PIK3AP1: variants seen among roughly 807,000 people sequenced by gnomAD.
PIK3AP1 encodes phosphoinositide-3-kinase adaptor protein 1.
In PIK3AP1, 21 loss-of-function variants were observed where a neutral mutation model predicts 88.1. The ratio of observed to expected loss-of-function variants is 0.24; its 90% CI spans 0.17 to 0.34. PIK3AP1 has a LOEUF of 0.34. PIK3AP1 is among the 10% of genes least tolerant of loss of function. The probability of loss-of-function intolerance (pLI) is 1.00; values close to 1 mark genes in which losing one functional copy is unlikely to be tolerated. For missense variants in PIK3AP1, 828 were observed against 1,035.7 expected, an observed-to-expected ratio of 0.80 and a Z score of 2.75; for synonymous variants, 398 against 400.0, an observed-to-expected ratio of 1.00 and a Z score of 0.06.
intron 2 of PIK3AP1, among the ~76,000 whole-genome samples, chr10:96,705,891 T>TGG (rs1339876929): frequency 7.8e-6 from 1 of 128,392 alleles, no homozygotes; most frequent in African/African-American, 3.1e-5. Flanking sequence ...GTTGTTTTTT[T>TGG]TTTTTTTTTT....
intron 8 of PIK3AP1, among the ~76,000 whole-genome samples, chr10:96,644,066 G>A (rs189023738): frequency 2.6e-5 from 4 of 152,288 alleles, no homozygotes; most frequent in African/African-American, 9.6e-5. Context: ...TCCAGTACGT[G>A]CGTGGAGATC....
intron 2 of PIK3AP1, among the ~76,000 whole-genome samples, chr10:96,704,165 C>A (rs752147214): frequency 2.6e-5 from 4 of 152,112 alleles, no homozygotes; most frequent in Non-Finnish European, 4.4e-5. Context: ...AGGAAGAGAA[C>A]GCAGGAGCTC....
chr10:96,628,292 A>G, intron 9 of PIK3AP1, 106 bp downstream of exon 9: 2 of 950,006 alleles, frequency 2.1e-6, no homozygotes, highest in South Asian at 2.7e-5. Flanking sequence ...CCATGTATGC[A>G]GCAGCCCATT....
intron 2 of PIK3AP1, among the ~76,000 whole-genome samples, chr10:96,666,309 C>T (rs1005810384): frequency 6.6e-6 from 1 of 152,090 alleles, no homozygotes; most frequent in African/African-American, 2.4e-5. Context: ...GTCCCAGCTA[C>T]TCGGGAGGCT....
intron 2 of PIK3AP1, among the ~76,000 whole-genome samples, chr10:96,678,226 G>C (rs1564981020): frequency 6.6e-6 from 1 of 152,152 alleles, no homozygotes; most frequent in Non-Finnish European, 1.5e-5. Context: ...CTGAGGTCAG[G>C]AGTTCGAGAC....
At chr10:96,651,144 A>G (rs3748232) in intron 6 of PIK3AP1, 104 bp downstream of exon 6, 647,101 of 1,457,254 alleles carry the variant, frequency 0.44, 150,115 homozygotes, top group Non-Finnish European at 0.48. Flanking sequence ...GAAGGGACCC[A>G]GAAGAGTTAC....
intron 2 of PIK3AP1, among the ~76,000 whole-genome samples, chr10:96,688,823 G>C (rs780692096): frequency 6.6e-6 from 1 of 151,698 alleles, no homozygotes; most frequent in Non-Finnish European, 1.5e-5. Context: ...AAGAAAGAAA[G>C]AAAGAAAAGA....
chr10:96,688,220 C>T (rs368312594), intron 2 of PIK3AP1, among the ~76,000 whole-genome samples: 15 of 152,226 alleles, frequency 9.9e-5, no homozygotes, highest in African/African-American at 3.6e-4. Context: ...CATTCCCCAC[C>T]CAGGATGAAG....
At chr10:96,616,942 C>T (rs1054799020) in intron 12 of PIK3AP1, among the ~76,000 whole-genome samples, 2 of 152,210 alleles carry the variant, frequency 1.3e-5, no homozygotes, top group African/African-American at 4.8e-5. Context: ...TGTCTTTCCT[C>T]CCCTCTGGTT....
intron 2 of PIK3AP1, among the ~76,000 whole-genome samples, chr10:96,689,918 G>A (rs935208061): frequency 9.9e-5 from 15 of 152,128 alleles, no homozygotes; most frequent in Admixed American, 1.3e-4. Flanking sequence ...CAGCAGCCAC[G>A]TGCCCAGGAT....
chr10:96,648,927 G>A (rs760032110), intron 6 of PIK3AP1, 72 bp from the exon 7 acceptor site: 7 of 1,328,908 alleles, frequency 5.3e-6, no homozygotes, highest in African/African-American at 1.5e-5. Context: ...TCATGGAGAT[G>A]AAGCTGCCAA....
At chr10:96,620,894 G>A (rs939853411) in intron 11 of PIK3AP1, 1 of 241,156 alleles carries the variant, frequency 4.1e-6, no homozygotes, top group Non-Finnish European at 8.3e-6. Context: ...GCCACAGCTG[G>A]AACCTGCGTC....
chr10:96,648,653 C>T lies in PIK3AP1; in HGVS notation c.1185+6G>A. 3 of 1,603,208 alleles carry T rather than the reference C, an allele frequency of 1.9e-6. No homozygotes were observed. Among genetic ancestry groups the T allele is most frequent in the Non-Finnish European group, 2.6e-6 (3 of 1,175,890 alleles). On this transcript the variant is annotated splice_donor_region_variant and intron_variant, in intron 7 of 16. Coordinates refer to ENST00000339364, the MANE Select transcript of PIK3AP1 (RefSeq NM_152309.3). ...CAATCCTGGGCCCCTCCTGCCTTGA[C>T]CTTACCACATACTCGTCGATGAACT...
At position 96,628,881 on chromosome 10, in the gene PIK3AP1, T is replaced by TACAGACACAC. The variant is rs150595125; in HGVS notation, c.1376-389_1376-388insGTGTGTCTGT. Among the ~76,000 whole-genome samples the TACAGACACAC allele has an allele frequency of 9.6e-3, 849 of 88,652 alleles. 25 individuals are homozygous for TACAGACACAC. The highest frequency in any genetic ancestry group is 0.034 in the African/African-American group (760 of 22,058). 58.2% of individuals were successfully genotyped at this position (88,652 alleles called of 152,430 possible). A position where few individuals can be genotyped will look rare whatever the true frequency, so the allele number is the denominator to read the frequency against. Reference sequence around the variant, plus strand: ...ACACACACACATATATACACATATATATATATACATATATATATATATATA... The same window carrying TACAGACACAC: ...ACACACACACATATATACACATATATACAGACACACATATATACATATATATATATATATA... On this transcript the variant is annotated intron_variant, in intron 8 of 16. Transcript: ENST00000339364.
At chr10:96,620,301 CT>C (rs765424763) in intron 12 of PIK3AP1, 50 bp downstream of exon 12, 2 of 1,582,788 alleles carry the variant, frequency 1.3e-6, no homozygotes, top group Non-Finnish European at 1.7e-6. Flanking sequence ...CCCTCCTCTA[CT>C]GTCAAGTGGG....
chr10:96,669,063 C>T lies in PIK3AP1; in HGVS notation c.431-12129G>A, dbSNP rs570896728. On this transcript the variant is annotated intron_variant, in intron 2 of 16. Coordinates refer to ENST00000339364, the MANE Select transcript of PIK3AP1 (RefSeq NM_152309.3). Reference sequence around the variant, plus strand: ...AGGAGAATTGCTTGAACTCGGGAAGCGGAGGCTGCAGTGAGCTGACATAGA... The same window carrying T: ...AGGAGAATTGCTTGAACTCGGGAAGTGGAGGCTGCAGTGAGCTGACATAGA... Among the ~76,000 whole-genome samples, 4 of 152,196 alleles carry T rather than the reference C, an allele frequency of 2.6e-5. No individual in the cohort carries two copies. The South Asian group carries it at 6.2e-4, about 24-fold the overall frequency.
intron 2 of PIK3AP1, among the ~76,000 whole-genome samples, chr10:96,663,300 A>G (rs1407916897): frequency 1.3e-5 from 2 of 152,174 alleles, no homozygotes; most frequent in Admixed American, 6.5e-5. Flanking sequence ...CTTTAAATGG[A>G]TAAATTGATG....
chr10:96,676,654 G>GTTT (rs35544369), intron 2 of PIK3AP1, among the ~76,000 whole-genome samples: 2 of 133,026 alleles, frequency 1.5e-5, no homozygotes, highest in Admixed American at 7.4e-5. Flanking sequence ...ATTTTCTGGG[G>GTTT]TTTTTTTTTT....
intron 2 of PIK3AP1, among the ~76,000 whole-genome samples, chr10:96,662,604 G>A (rs1843703791): frequency 1.3e-5 from 2 of 151,478 alleles, no homozygotes; most frequent in Non-Finnish European, 1.5e-5. Flanking sequence ...ACTCCGGCCG[G>A]GCGCGGTGGC....
Sources: allele counts gnomAD v4.1 joint callset (sites outside exome capture counted in the v4.1 genomes callset), GRCh38; gene constraint gnomAD v4.1.1; transcripts MANE v1.5; gene names NCBI Gene and HGNC (gene_info 2026-07-23, HGNC 2026-07-21).